Variants in METAP1 observed in about 807,000 individuals in gnomAD.
METAP1 encodes the protein methionine aminopeptidase 1.
METAP1 carries 28 observed loss-of-function variants against 53.8 expected under a neutral mutation model. The ratio of observed to expected loss-of-function variants is 0.52; its 90% CI spans 0.39 to 0.71. The LOEUF (loss-of-function observed/expected upper bound fraction) is 0.71, where lower values mean the gene tolerates loss of function less well. METAP1 is among the 30% of genes least tolerant of loss of function. METAP1 has a pLI of 0.00. For missense variants in METAP1, 389 were observed against 479.8 expected (o/e 0.81, Z 1.77); for synonymous variants, 181 against 165.7 (o/e 1.09, Z -0.71).
intron 2 of METAP1, among the ~76,000 whole-genome samples, chr4:99,032,378 G>A (rs930809939): frequency 1.3e-5 from 2 of 151,912 alleles, no homozygotes; most frequent in African/African-American, 4.8e-5. Context: ...GATTACAGGT[G>A]TGCACCACCA....
At chr4:99,038,820 T>C (rs777178838) in intron 4 of METAP1, among the ~76,000 whole-genome samples, 6 of 152,320 alleles carry the variant, frequency 3.9e-5, no homozygotes, top group African/African-American at 1.4e-4. Context: ...GCAGCACTTA[T>C]TCCTACTCCG....
At chr4:99,031,545 C>G (rs62325189) in intron 2 of METAP1, 41,933 of 1,288,660 alleles carry the variant, frequency 0.033, 796 homozygotes, top group Non-Finnish European at 0.037. Context: ...CTGGCTCCAC[C>G]AAACTTTGTG....
intron 1 of METAP1, 30 bp from the exon 2 acceptor site, chr4:99,028,837 G>A: frequency 6.7e-7 from 1 of 1,481,930 alleles, no homozygotes; most frequent in East Asian, 2.5e-5. Context: ...AGGAAGGCCT[G>A]ACACTAATTT....
intron 1 of METAP1, among the ~76,000 whole-genome samples, chr4:99,019,221 G>A (rs529776772): frequency 5.3e-5 from 8 of 152,258 alleles, no homozygotes; most frequent in Non-Finnish European, 7.4e-5. Flanking sequence ...GGAGAAAAGC[G>A]TAAGGAAGAA....
chr4:98,997,145 C>T (rs1321920974), intron 1 of METAP1, among the ~76,000 whole-genome samples: 1 of 152,104 alleles, frequency 6.6e-6, no homozygotes, highest in African/African-American at 2.4e-5. Context: ...AGAATGAAGG[C>T]AGATATATGA....
intron 9 of METAP1, among the ~76,000 whole-genome samples, chr4:99,056,047 T>C (rs1273517666): frequency 2.0e-5 from 3 of 152,240 alleles, no homozygotes; most frequent in Non-Finnish European, 4.4e-5. Flanking sequence ...AGCAGCACGA[T>C]AGCTATTCAT....
intron 1 of METAP1, among the ~76,000 whole-genome samples, chr4:99,003,795 C>T (rs1252997803): frequency 1.3e-5 from 2 of 152,144 alleles, no homozygotes; most frequent in African/African-American, 4.8e-5. Context: ...TTCTCCTCAC[C>T]ACCAAGCGAG....
At chr4:99,040,925 A>T (rs1725814120) in intron 5 of METAP1, 118 bp from the exon 6 acceptor site, 3 of 374,230 alleles carry the variant, frequency 8.0e-6, no homozygotes, top group Non-Finnish European at 1.4e-5. Flanking sequence ...TTTTCTATAA[A>T]ATTATAATAT....
intron 1 of METAP1, among the ~76,000 whole-genome samples, chr4:99,010,474 C>CA (rs1228558609): frequency 1.3e-5 from 2 of 152,010 alleles, no homozygotes; most frequent in East Asian, 1.9e-4. Context: ...AAAAACCTCC[C>CA]AAAAAACACA....
At chr4:99,005,325 A>G (rs542911496) in intron 1 of METAP1, among the ~76,000 whole-genome samples, 1 of 152,354 alleles carries the variant, frequency 6.6e-6, no homozygotes, top group South Asian at 2.1e-4. Context: ...AAGTGGGCAA[A>G]TGACCTAAAT....
chr4:99,042,064 C>T (rs116838445), intron 6 of METAP1, among the ~76,000 whole-genome samples: 1,882 of 151,722 alleles, frequency 0.012, 38 homozygotes, highest in African/African-American at 0.043. Flanking sequence ...TTGTAATCTC[C>T]GTTTTATAGG....
chr4:99,000,496 A>G (rs929187157), intron 1 of METAP1, among the ~76,000 whole-genome samples: 108 of 152,290 alleles, frequency 7.1e-4, no homozygotes, highest in African/African-American at 2.6e-3. Flanking sequence ...TATTGTGCAT[A>G]TAACCTCATA....
In METAP1 at chr4:99,035,380, T is replaced by G. The variant is rs572888250; in HGVS notation, c.280-20T>G. On this transcript the variant is annotated intron_variant, in intron 3 of 10. Transcript: ENST00000296411. ...TTTATTTTTCGTTGGTAAATCAGTTTTAACTAACTTTGTTTTTAGATGCCA... is the reference window on the plus strand; with the variant it reads ...TTTATTTTTCGTTGGTAAATCAGTTGTAACTAACTTTGTTTTTAGATGCCA... 1.3e-6 allele frequency: 2 copies of G among 1,529,512 alleles called. No individual in the cohort carries two copies. The highest frequency in any genetic ancestry group is 1.4e-5 in the African/African-American group (1 of 72,648). 94.7% of individuals were successfully genotyped at this position (1,529,512 alleles called of 1,614,324 possible).
intron 1 of METAP1, among the ~76,000 whole-genome samples, chr4:99,027,053 T>G (rs1017509677): frequency 2.0e-5 from 3 of 152,226 alleles, no homozygotes; most frequent in African/African-American, 7.2e-5. Context: ...TATAAAGCAC[T>G]CTGAAATCCT....
At chr4:99,008,223 C>T (rs1367327346) in intron 1 of METAP1, among the ~76,000 whole-genome samples, 3 of 152,056 alleles carry the variant, frequency 2.0e-5, no homozygotes, top group African/African-American at 7.3e-5. Flanking sequence ...AGGACATTCT[C>T]TGCAGGGAAA....
At chr4:99,058,580 G>A (rs1181104457) in intron 10 of METAP1, among the ~76,000 whole-genome samples, 1 of 152,110 alleles carries the variant, frequency 6.6e-6, no homozygotes, top group Non-Finnish European at 1.5e-5. Flanking sequence ...GTTAGGGGAT[G>A]CAAAGTGAGG....
At chr4:99,007,282 A>G (rs911937667) in intron 1 of METAP1, among the ~76,000 whole-genome samples, 16 of 152,176 alleles carry the variant, frequency 1.1e-4, no homozygotes, top group Non-Finnish European at 2.1e-4. Flanking sequence ...CAAGACTCAT[A>G]GGTGATGTTA....
intron 6 of METAP1, among the ~76,000 whole-genome samples, chr4:99,041,461 TAAA>T (rs960545681): frequency 6.6e-6 from 1 of 151,702 alleles, no homozygotes; most frequent in South Asian, 2.1e-4. Flanking sequence ...TATTCTGAAA[TAAA>T]AAAAAGAATA....
At chr4:99,042,521 G>T (rs79317164) in intron 6 of METAP1, among the ~76,000 whole-genome samples, 2,836 of 152,072 alleles carry the variant, frequency 0.019, 77 homozygotes, top group African/African-American at 0.064. Context: ...TTTCTGTTAG[G>T]AGTTCTTTTG....
Sources: allele counts gnomAD v4.1 joint callset (sites outside exome capture counted in the v4.1 genomes callset), GRCh38; gene constraint gnomAD v4.1.1; transcripts MANE v1.5; gene names NCBI Gene and HGNC (gene_info 2026-07-23, HGNC 2026-07-21).